HEATR1: variants seen among roughly 807,000 people sequenced by gnomAD.
The protein encoded by HEATR1 is HEAT repeat containing 1, also known as HEAT repeat-containing protein 1.
A neutral mutation model predicts 248.2 loss-of-function variants in HEATR1; 77 were observed. The observed-to-expected ratio is 0.31, with a 90% CI of 0.26 to 0.37. The LOEUF (loss-of-function observed/expected upper bound fraction) is 0.37, where lower values mean the gene tolerates loss of function less well. Ranked by LOEUF, HEATR1 falls within the 10% of genes least tolerant of loss-of-function variation. The probability of loss-of-function intolerance (pLI) is 1.00; values close to 1 mark genes in which losing one functional copy is unlikely to be tolerated. For missense variants in HEATR1, 2,420 were observed against 2,504.9 expected, an observed-to-expected ratio of 0.97 and a Z score of 0.72; for synonymous variants, 897 against 923.1, an observed-to-expected ratio of 0.97 and a Z score of 0.51.
intron 3 of HEATR1, among the ~76,000 whole-genome samples, chr1:236,600,851 G>A (rs952307433): frequency 2.6e-5 from 4 of 152,144 alleles, no homozygotes; most frequent in South Asian, 2.1e-4. Context: ...TTTGACATAC[G>A]GTTTTAGCGG....
At position 236,574,397 on chromosome 1, in the gene HEATR1, T is replaced by G. The variant is rs142584311; in HGVS notation, c.3328-64A>C. The G allele has an allele frequency of 9.5e-5, 143 of 1,510,134 alleles. 1 individual carries two copies. The African/African-American group carries it at 1.8e-3, about 19-fold the overall frequency. 93.5% of individuals were successfully genotyped at this position (1,510,134 alleles called of 1,614,324 possible). A position where few individuals can be genotyped will look rare whatever the true frequency, so the allele number is the denominator to read the frequency against. ...CAAGTTTAAATTCCAGAAATAATTT[T>G]TATATCAACCTCTCTCAAAATACAA... On this transcript the variant is annotated intron_variant, in intron 23 of 44. Coordinates refer to ENST00000366582, the MANE Select transcript of HEATR1 (RefSeq NM_018072.6).
chr1:236,592,749 A>G, intron 9 of HEATR1, 116 bp from the exon 10 acceptor site: 1 of 539,470 alleles, frequency 1.9e-6, no homozygotes, highest in South Asian at 2.4e-5. Context: ...TATACAAGGT[A>G]TAGTTTAATA....
At chr1:236,603,416 G>T (rs148819083) in intron 2 of HEATR1, 40 bp from the exon 3 acceptor site, 1 of 1,537,668 alleles carries the variant, frequency 6.5e-7, no homozygotes, top group African/African-American at 1.4e-5. Flanking sequence ...ACAATTCTTC[G>T]TAAGCAAATT....
intron 32 of HEATR1, among the ~76,000 whole-genome samples, chr1:236,562,149 C>A (rs1253930095): frequency 1.3e-5 from 2 of 152,204 alleles, no homozygotes; most frequent in African/African-American, 4.8e-5. Flanking sequence ...TTCCTGCTTA[C>A]TGGAGGCTAA....
Position 236,585,896 on chromosome 1 carries a change from C to T in HEATR1, c.1973G>A (p.Gly658Asp). Reference sequence around the variant, plus strand: ...CTCAATCATCTTCTGATTTGCTACACCGATTAGTTTTCCTGGCTTTGTGCT... The same window carrying T: ...CTCAATCATCTTCTGATTTGCTACATCGATTAGTTTTCCTGGCTTTGTGCT... ...IKSTKPGKLI[G>D]VANQKMIELL... Residue 658 changes from glycine (G) to aspartate (D), a missense_variant, in exon 16 of 45, where the codon GGT becomes GAT. Transcript: ENST00000366582. 6.2e-7 allele frequency: 1 copy of T among 1,613,208 alleles called. No individual in the cohort carries two copies. The highest frequency in any genetic ancestry group is 8.5e-7 in the Non-Finnish European group (1 of 1,179,412).
intron 9 of HEATR1, 45 bp downstream of exon 9, chr1:236,593,967 G>T: frequency 2.4e-6 from 3 of 1,274,428 alleles, no homozygotes; most frequent in Non-Finnish European, 3.3e-6. Flanking sequence ...ATTATACTGA[G>T]TCACAAAAAT....
At chr1:236,558,650 C>CA in intron 35 of HEATR1, 121 bp from the exon 36 acceptor site, 1 of 965,914 alleles carries the variant, frequency 1.0e-6, no homozygotes, top group South Asian at 1.7e-5. Context: ...CTGAGTCACA[C>CA]AGTCATGCTA....
Position 236,553,591 on chromosome 1 carries a change from G to C in HEATR1, c.6227C>G (p.Ser2076Cys), listed in dbSNP as rs763252172. 1 of 1,613,626 alleles carries C rather than the reference G, an allele frequency of 6.2e-7. No homozygotes were observed. Among genetic ancestry groups the C allele is most frequent in the Non-Finnish European group, 8.5e-7 (1 of 1,179,762 alleles). Residue 2076 changes from serine (S) to cysteine (C), a missense_variant, in exon 43 of 45, where the codon TCC becomes TGC. Ser to Cys is a moderately radical substitution (Grantham distance 112, BLOSUM62 -1). Transcript: ENST00000366582. ...NYQILLKTRD[S>C]SPKVRFAALI... Reference sequence around the variant, plus strand: ...CACGCAGTTCCTAACCTTAGGCGAGGAGTCTCTCGTCTTTAGCAGAATCTG... The same window carrying C: ...CACGCAGTTCCTAACCTTAGGCGAGCAGTCTCTCGTCTTTAGCAGAATCTG...
Position 236,571,676 on chromosome 1 carries a change from G to A in HEATR1, c.3718C>T (p.Pro1240Ser). 8 of 1,609,888 alleles carry A rather than the reference G, an allele frequency of 5.0e-6. No individual in the cohort carries two copies. The highest frequency in any genetic ancestry group is 6.8e-6 in the Non-Finnish European group (8 of 1,176,470). The change falls in exon 27 of 45, where the codon CCC becomes TCC. Residue 1240 changes from proline (P) to serine (S), a missense_variant. Transcript: ENST00000366582. ...ATATTTCCCTGCTCTTGTGGCAAGG[G>A]TTCTAAACATCTTCAGGACACCCAA... is the stretch of plus-strand genomic sequence containing the variant. ...LFNLLSRCLE[P>S]LPQEQGNMEY...
At position 236,571,597 on chromosome 1, in the gene HEATR1, A is replaced by G. The variant is rs776097501; in HGVS notation, c.3797T>C (p.Leu1266Pro). The change falls in exon 27 of 45, where the codon CTA (leucine) becomes CCA (proline). Residue 1266 changes from leucine (L) to proline (P), a missense_variant. Coordinates refer to ENST00000366582, the MANE Select transcript of HEATR1 (RefSeq NM_018072.6). ...GGGTATTTTGCCACCATCTGGAGATAGTTTTTGGCAGATGTTGAGCAGACA... is the reference window on the plus strand; with the variant it reads ...GGGTATTTTGCCACCATCTGGAGATGGTTTTTGGCAGATGTTGAGCAGACA... ...LSCLLNICQK[L>P]SPDGGKIPKD... The G allele has an allele frequency of 1.6e-5, 26 of 1,613,930 alleles. No homozygotes were observed. The highest frequency in any genetic ancestry group is 1.9e-5 in the Non-Finnish European group (22 of 1,179,904).
intron 38 of HEATR1, 71 bp downstream of exon 38, chr1:236,556,029 T>C (rs2103124348): frequency 1.9e-6 from 3 of 1,605,862 alleles, no homozygotes; most frequent in East Asian, 2.2e-5. Context: ...TCTTCTTCTT[T>C]AAGTCAAAGT....
intron 3 of HEATR1, among the ~76,000 whole-genome samples, chr1:236,600,305 T>C (rs1174853309): frequency 6.6e-6 from 1 of 150,632 alleles, no homozygotes; most frequent in Non-Finnish European, 1.5e-5. Flanking sequence ...TTTTTTTTTT[T>C]ACTTTAGTAG....
intron 32 of HEATR1, among the ~76,000 whole-genome samples, chr1:236,563,772 T>C (rs941748963): frequency 6.6e-6 from 1 of 152,138 alleles, no homozygotes; most frequent in African/African-American, 2.4e-5. Flanking sequence ...ACAAGTTTAA[T>C]ACACAAACAG....
chr1:236,557,823 C>T (rs75463554), intron 36 of HEATR1, among the ~76,000 whole-genome samples: 4,831 of 152,298 alleles, frequency 0.032, 112 homozygotes, highest in Middle Eastern at 0.058. Flanking sequence ...TCACCCACTG[C>T]TTTTTGACTA....
chr1:236,568,431 G>T (rs2103131958), intron 29 of HEATR1, among the ~76,000 whole-genome samples: 1 of 152,260 alleles, frequency 6.6e-6, no homozygotes, highest in Non-Finnish European at 1.5e-5. Context: ...CAAGTGAAGG[G>T]TACATAGACA....
intron 20 of HEATR1, among the ~76,000 whole-genome samples, chr1:236,579,542 A>C (rs1309957978): frequency 6.6e-6 from 1 of 152,256 alleles, no homozygotes; most frequent in Non-Finnish European, 1.5e-5. Context: ...CATACAATGG[A>C]ATACTCTGCA....
intron 26 of HEATR1, 116 bp downstream of exon 26, chr1:236,572,291 ACTTG>A: frequency 8.7e-7 from 1 of 1,144,960 alleles, no homozygotes; most frequent in South Asian, 1.5e-5. Context: ...CACCTATAGT[ACTTG>A]CTTTATTTTA....
chr1:236,599,639 C>A lies in HEATR1; in HGVS notation c.360-15G>T. ...GTATATGGAACCTGGGGAAAAAAAG[C>A]AAACAGTCCAACTGAACACAAAACT... On this transcript the variant is annotated splice_polypyrimidine_tract_variant and intron_variant, in intron 3 of 44. Coordinates refer to ENST00000366582, the MANE Select transcript of HEATR1 (RefSeq NM_018072.6). 2 of 1,598,108 alleles carry A rather than the reference C, an allele frequency of 1.3e-6. No individual in the cohort carries two copies. The highest frequency in any genetic ancestry group is 1.7e-5 in the Admixed American group (1 of 58,080).
At position 236,586,115 on chromosome 1, in the gene HEATR1, A is replaced by C; in HGVS notation, c.1927+126T>G. On this transcript the variant is annotated intron_variant, in intron 15 of 44. Coordinates refer to ENST00000366582, the MANE Select transcript of HEATR1 (RefSeq NM_018072.6). ...GCTTCCTTTTCACTGTATACTTTTT[A>C]TCTTGGCAAAAATTTTAAAAGACCT... 14 of 1,232,236 alleles carry C rather than the reference A, an allele frequency of 1.1e-5. No homozygotes were observed. The South Asian group carries it at 2.1e-4, about 18-fold the overall frequency. The allele number at this position is 1,232,236 out of a possible 1,614,324, so 76.3% of individuals were successfully genotyped here. A position where few individuals can be genotyped will look rare whatever the true frequency, so the allele number is the denominator to read the frequency against.
Sources: allele counts gnomAD v4.1 joint callset (sites outside exome capture counted in the v4.1 genomes callset), GRCh38; gene constraint gnomAD v4.1.1; transcripts MANE v1.5; gene names NCBI Gene and HGNC (gene_info 2026-07-23, HGNC 2026-07-21).